EXOC4: variants seen among roughly 807,000 people sequenced by gnomAD.
EXOC4 encodes exocyst complex component 4, also known as SEC8-like 1.
Under a neutral mutation model 107.2 loss-of-function variants are expected in EXOC4, and 71 were observed. The observed-to-expected ratio is 0.66, with a 90% confidence interval of 0.55 to 0.81. The LOEUF (loss-of-function observed/expected upper bound fraction) is 0.81, where lower values mean the gene tolerates loss of function less well. Among genes scored for constraint, EXOC4 ranks in the 30% least tolerant of loss-of-function variants. The pLI is 0.00. For synonymous variants in EXOC4, 456 were observed against 441.2 expected (o/e 1.03, Z -0.42); for missense variants, 1,108 against 1,189.6 (o/e 0.93, Z 1.01).
At chr7:133,885,394 T>A (rs1799062839) in intron 11 of EXOC4, among the ~76,000 whole-genome samples, 1 of 152,082 alleles carries the variant, frequency 6.6e-6, no homozygotes, top group South Asian at 2.1e-4. Flanking sequence ...TCTTATCCAC[T>A]ACTCCAATTA....
chr7:133,378,746 T>C (rs960718196), intron 7 of EXOC4, among the ~76,000 whole-genome samples: 1 of 151,562 alleles, frequency 6.6e-6, no homozygotes, highest in East Asian at 1.9e-4. Flanking sequence ...AATTGAACAG[T>C]GAATAAATAT....
At chr7:133,953,316 G>A (rs1383980618) in intron 14 of EXOC4, among the ~76,000 whole-genome samples, 1 of 152,114 alleles carries the variant, frequency 6.6e-6, no homozygotes, top group Non-Finnish European at 1.5e-5. Context: ...GCCAGGCGGT[G>A]GCCAGGCGCA....
At position 133,317,297 on chromosome 7, in the gene EXOC4, G is replaced by C; in HGVS notation, c.670G>C (p.Asp224His). ...EKGKISSLVK[D>H]ASVPLIDVTN... ...TTTCCCGTTCAGCTCCCTCGTGAAA[G>C]ATGCTTCTGTTCCTCTGATTGATGT... Residue 224 changes from aspartate (D) to histidine (H), a missense_variant, in exon 5 of 18, where the codon GAT becomes CAT. Physicochemically the swap from Asp to His is moderately conservative, Grantham distance 81. Transcript: ENST00000253861. 6 of 1,612,980 alleles carry C rather than the reference G, an allele frequency of 3.7e-6. No homozygotes were observed. The highest frequency in any genetic ancestry group is 2.7e-5 in the African/African-American group (2 of 74,994).
chr7:133,993,890 A>G (rs1322292948), intron 14 of EXOC4, among the ~76,000 whole-genome samples: 2 of 152,236 alleles, frequency 1.3e-5, no homozygotes, highest in African/African-American at 4.8e-5. Flanking sequence ...GGGTCAGTGG[A>G]CAGACTATGA....
chr7:133,426,638 C>A (rs1489090382), intron 7 of EXOC4, among the ~76,000 whole-genome samples: 2 of 152,208 alleles, frequency 1.3e-5, no homozygotes, highest in Admixed American at 1.3e-4. Context: ...GTCTTGCTAT[C>A]TTTGCTTTGC....
At chr7:133,539,715 G>A (rs1408909782) in intron 9 of EXOC4, among the ~76,000 whole-genome samples, 2 of 152,008 alleles carry the variant, frequency 1.3e-5, no homozygotes, top group African/African-American at 4.8e-5. Flanking sequence ...TTAAGTATAG[G>A]AAAGGAAATT....
chr7:133,871,510 T>C (rs1798751923), intron 11 of EXOC4, among the ~76,000 whole-genome samples: 1 of 152,148 alleles, frequency 6.6e-6, no homozygotes, highest in Non-Finnish European at 1.5e-5. Context: ...CCTTACACGT[T>C]TTCCCCCCAC....
intron 9 of EXOC4, among the ~76,000 whole-genome samples, chr7:133,507,344 C>G (rs1178550795): frequency 6.6e-6 from 1 of 152,162 alleles, no homozygotes; most frequent in Non-Finnish European, 1.5e-5. Context: ...TACTAAGTAG[C>G]AACATGACTG....
intron 11 of EXOC4, among the ~76,000 whole-genome samples, chr7:133,861,083 T>C (rs1046860867): frequency 2.6e-5 from 4 of 152,160 alleles, no homozygotes; most frequent in South Asian, 2.1e-4. Context: ...TGAAAGTAAC[T>C]AAGCAGTCCT....
intron 5 of EXOC4, among the ~76,000 whole-genome samples, chr7:133,339,665 G>A (rs976770669): frequency 2.0e-5 from 3 of 152,148 alleles, no homozygotes; most frequent in African/African-American, 7.2e-5. Flanking sequence ...CCATTTGTTT[G>A]TGTTGCCTAT....
chr7:133,553,435 T>C (rs544914053), intron 9 of EXOC4, among the ~76,000 whole-genome samples: 1 of 152,292 alleles, frequency 6.6e-6, no homozygotes, highest in South Asian at 2.1e-4. Context: ...TGTCTACTCT[T>C]GTAGCCATTA....
intron 10 of EXOC4, among the ~76,000 whole-genome samples, chr7:133,809,170 A>G (rs922497544): frequency 5.9e-5 from 9 of 152,224 alleles, no homozygotes; most frequent in African/African-American, 2.2e-4. Flanking sequence ...TCAAAATCAA[A>G]GGTACAGAAT....
chr7:133,338,253 C>G (rs939168052), intron 5 of EXOC4, among the ~76,000 whole-genome samples: 2 of 151,784 alleles, frequency 1.3e-5, no homozygotes, highest in African/African-American at 4.8e-5. Flanking sequence ...TTGAATATAC[C>G]TCATATACAC....
chr7:133,837,598 G>T (rs145050592), intron 11 of EXOC4, among the ~76,000 whole-genome samples: 11 of 152,240 alleles, frequency 7.2e-5, no homozygotes, highest in Non-Finnish European at 1.5e-4. Flanking sequence ...GAGGCAGAAG[G>T]TAACAATCTC....
chr7:134,031,816 T>G (rs1342531055), intron 17 of EXOC4, among the ~76,000 whole-genome samples: 1 of 152,226 alleles, frequency 6.6e-6, no homozygotes, highest in Admixed American at 6.5e-5. Flanking sequence ...CATACAGAAT[T>G]ATTTTGTTTG....
chr7:133,752,509 T>C (rs941409089), intron 10 of EXOC4, among the ~76,000 whole-genome samples: 8 of 152,218 alleles, frequency 5.3e-5, no homozygotes, highest in Non-Finnish European at 1.0e-4. Context: ...AGGATATGCA[T>C]TGAGCATTTA....
rs765708247 is a variant in EXOC4 at position 133,288,975 on chromosome 7, G to A, written c.330G>A (p.Glu110=). ...CKMLLHCKRD[E]LRKLWIEGIE... is the part of the protein sequence containing the mutation. ...TGCTGCTGCACTGCAAACGGGATGA[G>A]CTTCGGAAACTGTGGATTGAAGGAA... The change falls in exon 3 of 18, where the codon GAG becomes GAA. Residue 110 remains glutamate (E), a synonymous_variant. Transcript: ENST00000253861. 4 of 1,614,078 alleles carry A rather than the reference G, an allele frequency of 2.5e-6. No individual in the cohort carries two copies. Among genetic ancestry groups the A allele is most frequent in the Non-Finnish European group, 3.4e-6 (4 of 1,180,014 alleles).
At chr7:133,295,852 T>TG (rs1794507684) in intron 3 of EXOC4, among the ~76,000 whole-genome samples, 1 of 152,138 alleles carries the variant, frequency 6.6e-6, no homozygotes, top group Admixed American at 6.5e-5. Context: ...ACAGAACTGT[T>TG]TTTTCTTATT....
Position 133,445,949 on chromosome 7 carries a change from G to A in EXOC4, c.1183-29379G>A, listed in dbSNP as rs77821234. 3.5e-3 allele frequency among the ~76,000 whole-genome samples: 531 copies of A among 150,806 alleles called. 4 individuals are homozygous for A. In the East Asian group the frequency reaches 0.038, roughly 11 times the overall value. On this transcript the variant is annotated intron_variant, in intron 7 of 17. Coordinates refer to ENST00000253861, the MANE Select transcript of EXOC4 (RefSeq NM_021807.4). Reference sequence around the variant, plus strand: ...GAGACTCAACTGAGCCCAGAAGGTCGAGATTGTAGTGAGCCGAGATTATAA... The same window carrying A: ...GAGACTCAACTGAGCCCAGAAGGTCAAGATTGTAGTGAGCCGAGATTATAA...
Sources: gnomAD v4.1 joint callset for allele counts (sites outside exome capture counted in the v4.1 genomes callset) on GRCh38, gnomAD v4.1.1 for gene constraint, MANE v1.5 for transcripts, NCBI Gene and HGNC (gene_info 2026-07-23, HGNC 2026-07-21) for gene names.